Variants in LAMA2 observed in about 807,000 individuals in gnomAD.
The protein encoded by LAMA2 is laminin subunit alpha 2.
In LAMA2, 269 loss-of-function variants were observed where a neutral mutation model predicts 364.8. The observed-to-expected ratio is 0.74, with a 90% confidence interval of 0.67 to 0.82. LAMA2 has a LOEUF of 0.82. Among genes scored for constraint, LAMA2 ranks in the 40% least tolerant of loss-of-function variants. LAMA2 has a pLI of 0.00. For missense variants in LAMA2, 3,807 were observed against 3,873.2 expected (o/e 0.98, Z 0.45); for synonymous variants, 1,379 against 1,370.6 (o/e 1.01, Z -0.14).
Position 129,481,814 on chromosome 6 carries a change from A to C in LAMA2, c.7749+375A>C, listed in dbSNP as rs562922594. Among the ~76,000 whole-genome samples, 10 of 152,284 alleles carry C rather than the reference A, an allele frequency of 6.6e-5. No homozygotes were observed. In the South Asian group the frequency reaches 1.9e-3, roughly 28 times the overall value. On this transcript the variant is annotated intron_variant, in intron 55 of 64. Coordinates refer to ENST00000421865, the MANE Select transcript of LAMA2 (RefSeq NM_000426.4). ...TGTAGACAGTCAGCTTCGGTCCCTT[A>C]AATTTAAATGTAAATTCCTCTAAGA...
In LAMA2 at chr6:129,456,412, C is replaced by T. The variant is rs756061859; in HGVS notation, c.6785C>T (p.Ser2262Leu). Reference protein sequence around the residue: ...KASIVPSTHHSTSPPGYTILD... With the variant: ...KASIVPSTHHLTSPPGYTILD... ...AGCATTGTGCCCAGCACACACCATTCGACGTCTCCTCCAGGGTACACGATT... is the reference window on the plus strand; with the variant it reads ...AGCATTGTGCCCAGCACACACCATTTGACGTCTCCTCCAGGGTACACGATT... The change falls in exon 48 of 65, where the codon TCG becomes TTG. Residue 2262 changes from serine (S) to leucine (L), a missense_variant. Transcript: ENST00000421865. 7 of 1,613,416 alleles carry T rather than the reference C, an allele frequency of 4.3e-6. No individual in the cohort carries two copies. In the East Asian group the frequency reaches 8.9e-5, roughly 21 times the overall value.
intron 17 of LAMA2, among the ~76,000 whole-genome samples, chr6:129,278,195 C>G (rs771389473): frequency 6.6e-6 from 1 of 152,114 alleles, no homozygotes; most frequent in Non-Finnish European, 1.5e-5. Context: ...GAGCAAGACT[C>G]TGTCTCAAAT....
chr6:129,311,381 A>T (rs779602499), intron 22 of LAMA2, among the ~76,000 whole-genome samples: 7 of 152,062 alleles, frequency 4.6e-5, no homozygotes, highest in African/African-American at 7.2e-5. Context: ...TCGGCCTCCC[A>T]AAGTGCTGGG....
intron 42 of LAMA2, 52 bp downstream of exon 42, chr6:129,438,814 A>C: frequency 1.1e-6 from 1 of 902,918 alleles, no homozygotes; most frequent in Non-Finnish European, 1.9e-6. Flanking sequence ...AGTTTTGAAG[A>C]CTGTTGTTAA....
chr6:129,009,936 A>T (rs1440529870), intron 1 of LAMA2, among the ~76,000 whole-genome samples: 2 of 152,156 alleles, frequency 1.3e-5, no homozygotes, highest in Admixed American at 1.3e-4. Flanking sequence ...GAGATTAAAA[A>T]TGCTCCAGTT....
At chr6:129,164,072 C>T (rs918735744) in intron 8 of LAMA2, among the ~76,000 whole-genome samples, 2 of 152,108 alleles carry the variant, frequency 1.3e-5, no homozygotes, top group African/African-American at 4.8e-5. Flanking sequence ...TCCTGTATAT[C>T]TAATACAGTA....
chr6:129,358,818 G>A (rs9483013), intron 32 of LAMA2, among the ~76,000 whole-genome samples: 6 of 152,038 alleles, frequency 3.9e-5, no homozygotes, highest in African/African-American at 7.2e-5. Flanking sequence ...TTTGTGCAAC[G>A]CATCAGTTTC....
intron 56 of LAMA2, among the ~76,000 whole-genome samples, chr6:129,487,742 A>C (rs1216131549): frequency 2.0e-5 from 3 of 152,208 alleles, no homozygotes; most frequent in Non-Finnish European, 4.4e-5. Context: ...CTGTAGGATG[A>C]ATTGATACAA....
chr6:129,129,781 A>G (rs111994364), intron 4 of LAMA2, among the ~76,000 whole-genome samples: 5,933 of 151,342 alleles, frequency 0.039, 377 homozygotes, highest in African/African-American at 0.13. Flanking sequence ...AAAATTAGCC[A>G]GGCGTAGTGG....
chr6:128,998,088 G>A (rs1784111913), intron 1 of LAMA2, among the ~76,000 whole-genome samples: 1 of 152,112 alleles, frequency 6.6e-6, no homozygotes, highest in African/African-American at 2.4e-5. Flanking sequence ...GGCCATGGGA[G>A]TGGGTGCCTG....
chr6:129,148,503 G>C (rs1176760262), intron 6 of LAMA2, among the ~76,000 whole-genome samples: 3 of 152,036 alleles, frequency 2.0e-5, no homozygotes, highest in Non-Finnish European at 4.4e-5. Flanking sequence ...GGTAAATTGA[G>C]ACTGTATTCA....
intron 41 of LAMA2, among the ~76,000 whole-genome samples, chr6:129,434,505 G>C (rs1391635218): frequency 1.3e-5 from 2 of 152,116 alleles, no homozygotes; most frequent in Non-Finnish European, 2.9e-5. Context: ...AGAGCTGAAG[G>C]AATAAGGAGA....
chr6:128,900,539 G>C (rs986065473), intron 1 of LAMA2, among the ~76,000 whole-genome samples: 1 of 152,092 alleles, frequency 6.6e-6, no homozygotes, highest in Non-Finnish European at 1.5e-5. Flanking sequence ...TGATACTGTC[G>C]GATGTAGGCA....
At chr6:129,215,533 C>T (rs1202598648) in intron 12 of LAMA2, among the ~76,000 whole-genome samples, 1 of 152,090 alleles carries the variant, frequency 6.6e-6, no homozygotes, top group Non-Finnish European at 1.5e-5. Context: ...CAGCTCATAT[C>T]TATTTCTCAA....
At chr6:129,377,980 A>T (rs1403808437) in intron 34 of LAMA2, among the ~76,000 whole-genome samples, 1 of 152,210 alleles carries the variant, frequency 6.6e-6, no homozygotes, top group African/African-American at 2.4e-5. Context: ...ATGGGAAAAA[A>T]AAAACCTAGT....
In LAMA2 at chr6:129,059,657, A is replaced by T. The variant is rs534252362; in HGVS notation, c.284-127A>T. 5.5e-5 allele frequency: 37 copies of T among 677,998 alleles called. No individual in the cohort carries two copies. In the South Asian group the frequency reaches 5.9e-4, roughly 11 times the overall value. The allele number at this position is 677,998 out of a possible 1,614,324, so 42.0% of individuals were successfully genotyped here. A position where few individuals can be genotyped will look rare whatever the true frequency, so the allele number is the denominator to read the frequency against. ...AGAATCTGAATTACTCTCCTTCTGT[A>T]TTATTTTAATGTTTGATATTCACAT... On this transcript the variant is annotated intron_variant, in intron 2 of 64. Coordinates refer to ENST00000421865, the MANE Select transcript of LAMA2 (RefSeq NM_000426.4).
chr6:128,991,683 T>C (rs575432819), intron 1 of LAMA2, among the ~76,000 whole-genome samples: 1 of 152,336 alleles, frequency 6.6e-6, no homozygotes, highest in South Asian at 2.1e-4. Flanking sequence ...TGATTGACTA[T>C]GAAATCTATT....
At chr6:129,144,900 C>A (rs564617615) in intron 5 of LAMA2, among the ~76,000 whole-genome samples, 7 of 152,022 alleles carry the variant, frequency 4.6e-5, no homozygotes, top group African/African-American at 1.7e-4. Flanking sequence ...AGATGATCAA[C>A]CCAGATTGCT....
chr6:129,434,911 G>A lies in LAMA2; in HGVS notation c.5969-3735G>A, dbSNP rs183935530. ...GAAAAAGGTGATCAGCGTAAGAAAG[G>A]GCAAATTAATAAGGATCAGAGTCAA... On this transcript the variant is annotated intron_variant, in intron 41 of 64. Transcript: ENST00000421865. 7.9e-5 allele frequency among the ~76,000 whole-genome samples: 12 copies of A among 151,948 alleles called. No individual in the cohort carries two copies. The East Asian group carries it at 1.9e-3, about 24-fold the overall frequency.
Sources: allele counts gnomAD v4.1 joint callset (sites outside exome capture counted in the v4.1 genomes callset), GRCh38; gene constraint gnomAD v4.1.1; transcripts MANE v1.5; gene names NCBI Gene and HGNC (gene_info 2026-07-23, HGNC 2026-07-21).